The following HEATR4 variants were observed in gnomAD, a reference collection of about 807,000 sequenced individuals.
The protein encoded by HEATR4 is HEAT repeat-containing protein 4.
A neutral mutation model predicts 108.8 loss-of-function variants in HEATR4; 95 were observed. That is an observed-to-expected ratio of 0.87 (90% confidence interval 0.74 to 1.04). HEATR4 has a LOEUF of 1.04. Ranked by LOEUF, HEATR4 falls within the 50% of genes least tolerant of loss-of-function variation. The pLI is 0.00. For synonymous variants in HEATR4, 443 were observed against 459.4 expected (o/e 0.96, Z 0.46); for missense variants, 1,152 against 1,253.8 (o/e 0.92, Z 1.23).
In HEATR4 at chr14:73,478,778, C is replaced by A; in HGVS notation, c.2909G>T (p.Ser970Ile). The A allele has an allele frequency of 8.1e-6, 13 of 1,613,872 alleles. No homozygotes were observed. The highest frequency in any genetic ancestry group is 1.1e-5 in the Non-Finnish European group (13 of 1,179,940). The change falls in exon 18 of 18, where the codon AGC becomes ATC. Residue 970 changes from serine to isoleucine, a missense_variant. Coordinates refer to ENST00000553558, the MANE Select transcript of HEATR4 (RefSeq NM_001220484.1). ...QSSVPGLTTR[S>I]KVRSSLVKDL... ...TTTGACAAGTGATGAACGAACTTTG[C>A]TTCGTGTGGTTAGGCCTGGGACTGA...
intron 2 of HEATR4, among the ~76,000 whole-genome samples, chr14:73,526,862 C>T (rs1888371032): frequency 1.3e-5 from 2 of 152,258 alleles, no homozygotes; most frequent in South Asian, 4.1e-4. Flanking sequence ...CAGGTGTGAC[C>T]CAGTGCACTG....
At position 73,478,882 on chromosome 14, in the gene HEATR4, G is replaced by A. The variant is rs377384528; in HGVS notation, c.2845-40C>T. On this transcript the variant is annotated intron_variant, in intron 17 of 17. Transcript: ENST00000553558. ...GAAAACATGAGTGCATATGCCAAAC[G>A]TGTCTCATGTGAGCGGCAGAGCCCA... 3.5e-5 allele frequency: 52 copies of A among 1,481,188 alleles called. 2 individuals are homozygous for A. The South Asian group carries it at 6.1e-4, about 17-fold the overall frequency. 91.8% of individuals were successfully genotyped at this position (1,481,188 alleles called of 1,614,324 possible). A position where few individuals can be genotyped will look rare whatever the true frequency, so the allele number is the denominator to read the frequency against.
chr14:73,612,440 T>C, the HEATR4 span: 1 of 569,180 alleles, frequency 1.8e-6, no homozygotes. Context: ...GCCTGGAGCC[T>C]GTCCCCAAGT....
At chr14:73,599,468 G>A in the HEATR4 span, among the ~76,000 whole-genome samples, 3 of 152,036 alleles carry the variant, frequency 2.0e-5, no homozygotes, top group African/African-American at 7.2e-5. Flanking sequence ...CACGGGCTGC[G>A]GTAATTTGAC....
chr14:73,531,309 C>T (rs1888690539), intron 1 of HEATR4: 1 of 112,256 alleles, frequency 8.9e-6, no homozygotes, highest in Admixed American at 1.0e-4. Context: ...TGGGTTCAGT[C>T]GGGGGTATAT....
chr14:73,590,582 G>A, the HEATR4 span, among the ~76,000 whole-genome samples: 1 of 152,216 alleles, frequency 6.6e-6, no homozygotes, highest in Non-Finnish European at 1.5e-5. Flanking sequence ...GGCGGGGGCG[G>A]GGGCTCAGGC....
the HEATR4 span, among the ~76,000 whole-genome samples, chr14:73,617,701 T>C: frequency 6.6e-6 from 1 of 152,006 alleles, no homozygotes; most frequent in Non-Finnish European, 1.5e-5. Context: ...AAAATGACTA[T>C]AAAGAGATAT....
At chr14:73,488,600 C>T (rs1885541969) in intron 17 of HEATR4, among the ~76,000 whole-genome samples, 1 of 151,714 alleles carries the variant, frequency 6.6e-6, no homozygotes, top group Non-Finnish European at 1.5e-5. Flanking sequence ...TTTCTTTAGG[C>T]CTCCCCAACC....
chr14:73,564,259 C>T, the HEATR4 span, among the ~76,000 whole-genome samples: 11 of 151,162 alleles, frequency 7.3e-5, no homozygotes, highest in Admixed American at 3.3e-4. Flanking sequence ...GATCAGACCA[C>T]TGCACTCCAG....
chr14:73,578,642 ATGAT>A, the HEATR4 span, among the ~76,000 whole-genome samples: 4 of 151,992 alleles, frequency 2.6e-5, no homozygotes, highest in South Asian at 4.1e-4. Flanking sequence ...ATGCTCCATA[ATGAT>A]TGATTGATTG....
At chr14:73,576,568 C>T in the HEATR4 span, among the ~76,000 whole-genome samples, 2 of 151,444 alleles carry the variant, frequency 1.3e-5, no homozygotes, top group Non-Finnish European at 2.9e-5. Flanking sequence ...TTTGGGAGAC[C>T]AAGGCCAGTG....
chr14:73,528,753 T>C lies in HEATR4; in HGVS notation c.-73+1413A>G, dbSNP rs11159022. 0.036 allele frequency among the ~76,000 whole-genome samples: 5,497 copies of C among 152,290 alleles called. 638 individuals carry two copies. The East Asian group carries it at 0.45, about 13-fold the overall frequency. On this transcript the variant is annotated intron_variant, in intron 2 of 17. Transcript: ENST00000553558. ...TTCTTTGCAAACTAAAATATATGTG[T>C]GAGGAATTGTTATTATTAGTTTAGA...
At chr14:73,497,311 A>T (rs1886166054) in intron 14 of HEATR4, among the ~76,000 whole-genome samples, 1 of 152,184 alleles carries the variant, frequency 6.6e-6, no homozygotes, top group African/African-American at 2.4e-5. Context: ...AAGTGTTGGG[A>T]TTACAGATGT....
At chr14:73,568,930 G>A in the HEATR4 span, 1 of 413,934 alleles carries the variant, frequency 2.4e-6, no homozygotes, top group Non-Finnish European at 4.4e-6. Context: ...TCAACAAAGT[G>A]ATCAAAACTA....
At chr14:73,592,177 CG>C in the HEATR4 span, 9 of 1,605,280 alleles carry the variant, frequency 5.6e-6, no homozygotes, top group African/African-American at 1.2e-4. Context: ...GGCAGCTTCG[CG>C]GGACTCGAGC....
the HEATR4 span, chr14:73,595,750 C>A: frequency 7.3e-7 from 1 of 1,371,874 alleles, no homozygotes; most frequent in Non-Finnish European, 9.7e-7. Context: ...ACATTAAAGC[C>A]ATGTCTTTGT....
intron 17 of HEATR4, among the ~76,000 whole-genome samples, chr14:73,483,362 G>C (rs1047786629): frequency 1.3e-5 from 2 of 152,060 alleles, no homozygotes; most frequent in African/African-American, 4.8e-5. Flanking sequence ...TTAGAGACCT[G>C]GTCTTACTAT....
the HEATR4 span, chr14:73,574,261 GTA>G: frequency 1.7e-4 from 22 of 126,788 alleles, no homozygotes; most frequent in African/African-American, 4.7e-4. Context: ...TTAAATTCCA[GTA>G]TTTTTTTTTT....
intron 9 of HEATR4, among the ~76,000 whole-genome samples, chr14:73,506,827 T>TTTTTTTTTA (rs1886887990): frequency 1.6e-5 from 2 of 122,896 alleles, no homozygotes; most frequent in East Asian, 2.1e-4. Flanking sequence ...TTTTTTTTTC[T>TTTTTTTTTA]GAGAAGGTTG....
Sources: allele counts gnomAD v4.1 joint callset (sites outside exome capture counted in the v4.1 genomes callset), GRCh38; gene constraint gnomAD v4.1.1; transcripts MANE v1.5; gene names NCBI Gene and HGNC (gene_info 2026-07-23, HGNC 2026-07-21).